Variants in CLC observed in about 807,000 individuals in gnomAD.
The protein encoded by CLC is Charcot-Leyden crystal galectin.
CLC carries 15 observed loss-of-function variants against 13.9 expected under a neutral mutation model. The observed-to-expected ratio is 1.08, with a 90% CI of 0.72 to 1.66. The LOEUF (loss-of-function observed/expected upper bound fraction) is 1.66, where lower values mean the gene tolerates loss of function less well. CLC is among the 40% of genes most tolerant of loss of function. The pLI is 0.00. For missense variants in CLC, 161 were observed against 169.1 expected (o/e 0.95, Z 0.27); for synonymous variants, 68 against 59.9 (o/e 1.14, Z -0.63).
intron 1 of CLC, among the ~76,000 whole-genome samples, chr19:39,736,983 G>C (rs1444625620): frequency 6.6e-6 from 1 of 152,100 alleles, no homozygotes; most frequent in South Asian, 2.1e-4. Context: ...CACCCAAAGT[G>C]CTGAGACTAC....
chr19:39,732,082 TTTA>T (rs371877983), intron 3 of CLC, among the ~76,000 whole-genome samples: 30 of 33,804 alleles, frequency 8.9e-4, no homozygotes, highest in African/African-American at 4.0e-3. Context: ...TTATTTATTA[TTTA>T]TTTTTTTTAT....
intron 1 of CLC, among the ~76,000 whole-genome samples, chr19:39,737,551 A>C (rs1330791489): frequency 2.0e-5 from 3 of 152,028 alleles, no homozygotes; most frequent in Non-Finnish European, 2.9e-5. Context: ...ATGCTCATGC[A>C]CTGGTCCGGC....
chr19:39,736,308 T>C (rs1009252885), intron 1 of CLC, among the ~76,000 whole-genome samples: 19 of 151,922 alleles, frequency 1.3e-4, no homozygotes, highest in African/African-American at 4.4e-4. Flanking sequence ...TCATGGGCAA[T>C]GGACGTCCTT....
At chr19:39,733,626 A>G (rs1458858040) in intron 3 of CLC, among the ~76,000 whole-genome samples, 1 of 152,228 alleles carries the variant, frequency 6.6e-6, no homozygotes, top group Non-Finnish European at 1.5e-5. Flanking sequence ...AGGCAGCACC[A>G]TGGATAGATT....
intron 3 of CLC, chr19:39,733,993 G>A (rs1338677167): frequency 2.0e-6 from 2 of 985,176 alleles, no homozygotes; most frequent in African/African-American, 3.5e-5. Flanking sequence ...CCCTGGTCAG[G>A]TATGGGAAAA....
chr19:39,734,400 C>A lies in CLC; in HGVS notation c.186G>T (p.Val62=). The A allele has an allele frequency of 6.2e-7, 1 of 1,614,090 alleles. No homozygotes were observed. The highest frequency in any genetic ancestry group is 1.7e-5 in the Admixed American group (1 of 60,016). ...FHFQVCFGRR[V]VMNSREYGAW... ...CCCCATACTCACGGCTGTTCATGAC[C>A]ACACGACGACCAAAGCACACTTGGA... The change falls in exon 3 of 4, where the codon GTG becomes GTT. Residue 62 remains valine, a synonymous_variant. Transcript: ENST00000221804.
intron 1 of CLC, among the ~76,000 whole-genome samples, chr19:39,737,657 T>C (rs1196481157): frequency 6.6e-6 from 1 of 152,032 alleles, no homozygotes; most frequent in African/African-American, 2.4e-5. Context: ...TGGAGGGCCA[T>C]ACACATCCCG....
At position 39,731,470 on chromosome 19, in the gene CLC, G is replaced by T. The variant is rs767590743; in HGVS notation, c.339C>A (p.Asp113Glu). The T allele has an allele frequency of 1.2e-6, 2 of 1,613,466 alleles. No homozygotes were observed. Among genetic ancestry groups the T allele is most frequent in the South Asian group, 2.2e-5 (2 of 91,052 alleles). The change falls in exon 4 of 4, where the codon GAC becomes GAA. Residue 113 changes from aspartate to glutamate, a missense_variant. Coordinates refer to ENST00000221804, the MANE Select transcript of CLC (RefSeq NM_001828.6). ...TCACAGCCTCAGGCTTGATTCTATG[G>T]TCAAAGGTGTAAGAGGATTGGCCAT... ...MVNGQSSYTF[D>E]HRIKPEAVKM...
At chr19:39,733,979 T>C (rs1015935390) in intron 3 of CLC, 1 of 985,236 alleles carries the variant, frequency 1.0e-6, no homozygotes, top group African/African-American at 1.7e-5. Context: ...TGAACCGACA[T>C]TGACCCTGGT....
chr19:39,735,014 T>A lies in CLC; in HGVS notation c.75A>T (p.Arg25=). 4 of 1,613,302 alleles carry A rather than the reference T, an allele frequency of 2.5e-6. No homozygotes were observed. The highest frequency in any genetic ancestry group is 3.4e-6 in the Non-Finnish European group (4 of 1,179,250). ...STGSTVTIKG[R]PLACFLNEPY... is the part of the protein sequence containing the mutation. ...GTACTCACAAGAAACAGGCAAGTGG[T>A]CGCCCTTTGATTGTCACAGTAGAAC... Residue 25 remains arginine (R), a synonymous_variant, in exon 2 of 4, where the codon CGA becomes CGT. Coordinates refer to ENST00000221804, the MANE Select transcript of CLC (RefSeq NM_001828.6).
At chr19:39,731,607 A>G in intron 3 of CLC, 102 bp from the exon 4 acceptor site, 1 of 1,242,540 alleles carries the variant, frequency 8.0e-7, no homozygotes. Flanking sequence ...CAACCAGAAA[A>G]TGCCTCATTA....
intron 1 of CLC, among the ~76,000 whole-genome samples, chr19:39,737,281 C>T (rs937485167): frequency 1.3e-5 from 2 of 151,590 alleles, no homozygotes; most frequent in African/African-American, 4.9e-5. Flanking sequence ...ATGCATTCTG[C>T]TCTCATAAAT....
rs780476690 is a variant in CLC, at chr19:39,735,118, G to A, written c.16-45C>T. The stretch of plus-strand genomic sequence containing the variant: ...GGGTGAGAGAGGCAGGGCCAGGTGT[G>A]GCCTCCCCTCCTGTAACAGATTCCC... On this transcript the variant is annotated intron_variant, in intron 1 of 3. Coordinates refer to ENST00000221804, the MANE Select transcript of CLC (RefSeq NM_001828.6). 43 of 1,389,278 alleles carry A rather than the reference G, an allele frequency of 3.1e-5. No homozygotes were observed. In the South Asian group the frequency reaches 4.1e-4, roughly 13 times the overall value. The allele number at this position is 1,389,278 out of a possible 1,614,324, so 86.1% of individuals were successfully genotyped here.
intron 1 of CLC, among the ~76,000 whole-genome samples, chr19:39,736,602 C>T (rs1310388614): frequency 2.0e-5 from 3 of 151,934 alleles, no homozygotes; most frequent in Non-Finnish European, 4.4e-5. Flanking sequence ...TGGAGAAACC[C>T]CATCTCTACT....
intron 2 of CLC, 89 bp from the exon 3 acceptor site, chr19:39,734,582 G>T (rs968271951): frequency 5.2e-5 from 58 of 1,121,076 alleles, no homozygotes; most frequent in Non-Finnish European, 7.6e-5. Flanking sequence ...CCCTTCCGTG[G>T]TCGAGCAAAG....
At chr19:39,735,405 C>T (rs972290693) in intron 1 of CLC, among the ~76,000 whole-genome samples, 2 of 152,162 alleles carry the variant, frequency 1.3e-5, no homozygotes, top group African/African-American at 4.8e-5. Context: ...CCCACTTCAA[C>T]CTCAACCTCC....
chr19:39,731,297 G>A lies in CLC; in HGVS notation c.*83C>T. The A allele has an allele frequency of 7.0e-7, 1 of 1,421,206 alleles. No homozygotes were observed. The highest frequency in any genetic ancestry group is 1.2e-5 in the South Asian group (1 of 85,722). The allele number at this position is 1,421,206 out of a possible 1,614,324, so 88.0% of individuals were successfully genotyped here. On this transcript the variant is annotated 3_prime_UTR_variant, in exon 4 of 4. Transcript: ENST00000221804. ...TTAATGAGCAGGAGTAAGGATTGAA[G>A]TGAGAAAAGATCATGCTGTTAGCTG...
chr19:39,731,353 G>A lies in CLC; in HGVS notation c.*27C>T. On this transcript the variant is annotated 3_prime_UTR_variant, in exon 4 of 4. Transcript: ENST00000221804. ...GGAATCCCAAGTTCACGTAGAGACA[G>A]GGATTCCTTGGCAACATGAAGTCTG... The A allele has an allele frequency of 6.2e-7, 1 of 1,611,032 alleles. No individual in the cohort carries two copies. The highest frequency in any genetic ancestry group is 8.5e-7 in the Non-Finnish European group (1 of 1,178,526).
intron 1 of CLC, among the ~76,000 whole-genome samples, chr19:39,736,929 G>T (rs867597587): frequency 6.6e-6 from 1 of 152,060 alleles, no homozygotes; most frequent in Non-Finnish European, 1.5e-5. Flanking sequence ...TGTCTCCCAG[G>T]CTGGTCTACC....
Sources: allele counts gnomAD v4.1 joint callset (sites outside exome capture counted in the v4.1 genomes callset), GRCh38; gene constraint gnomAD v4.1.1; transcripts MANE v1.5; gene names NCBI Gene and HGNC (gene_info 2026-07-23, HGNC 2026-07-21).